Variants in CCBE1 observed in about 807,000 individuals in gnomAD.
CCBE1 encodes the protein collagen and calcium-binding EGF domain-containing protein 1.
Under a neutral mutation model 50.0 loss-of-function variants are expected in CCBE1, and 37 were observed. The ratio of observed to expected loss-of-function variants is 0.74; its 90% CI spans 0.57 to 0.97. The LOEUF (loss-of-function observed/expected upper bound fraction) is 0.97, where lower values mean the gene tolerates loss of function less well. Ranked by LOEUF, CCBE1 falls within the 50% of genes least tolerant of loss-of-function variation. The pLI, the probability that CCBE1 is intolerant of heterozygous loss-of-function variation, is 0.00. For synonymous variants in CCBE1, 234 were observed against 203.7 expected, an observed-to-expected ratio of 1.15 and a Z score of -1.27; for missense variants, 538 against 523.8, an observed-to-expected ratio of 1.03 and a Z score of -0.26.
intron 2 of CCBE1, among the ~76,000 whole-genome samples, chr18:59,545,608 A>G (rs1055773709): frequency 6.6e-6 from 1 of 152,218 alleles, no homozygotes; most frequent in Non-Finnish European, 1.5e-5. Flanking sequence ...ATAATGAAAT[A>G]CCAATGATAA....
intron 2 of CCBE1, among the ~76,000 whole-genome samples, chr18:59,686,441 C>T (rs1396356938): frequency 1.3e-5 from 2 of 152,222 alleles, no homozygotes; most frequent in African/African-American, 4.8e-5. Context: ...CTTTGAAGCC[C>T]AGCCCTGCCA....
At chr18:59,452,312 G>T (rs562183377) in intron 6 of CCBE1, among the ~76,000 whole-genome samples, 163 of 152,314 alleles carry the variant, frequency 1.1e-3, no homozygotes, top group Non-Finnish European at 1.9e-3. Flanking sequence ...CAACTGACAG[G>T]CCAGGCACAG....
At chr18:59,454,421 T>C (rs931557398) in intron 6 of CCBE1, among the ~76,000 whole-genome samples, 15 of 152,102 alleles carry the variant, frequency 9.9e-5, no homozygotes, top group Admixed American at 9.2e-4. Context: ...ATTTTTGTAT[T>C]TTTTAGTAGA....
At chr18:59,697,616 T>C (rs927880530), upstream of CCBE1, 2 of 453,592 alleles carry the variant, frequency 4.4e-6, no homozygotes, top group Non-Finnish European at 7.9e-6. Flanking sequence ...GAGGTTCAAG[T>C]TGTCTCGTCG....
At chr18:59,452,919 A>G (rs1364374538) in intron 6 of CCBE1, among the ~76,000 whole-genome samples, 3 of 152,248 alleles carry the variant, frequency 2.0e-5, no homozygotes, top group African/African-American at 7.2e-5. Context: ...ATGCTAGTCC[A>G]ACTCAATTGC....
At chr18:59,665,626 A>C (rs2054343763) in intron 2 of CCBE1, among the ~76,000 whole-genome samples, 1 of 152,198 alleles carries the variant, frequency 6.6e-6, no homozygotes, top group Non-Finnish European at 1.5e-5. Context: ...CAAGAGGAAA[A>C]TGTGCTTTTC....
chr18:59,577,694 T>C (rs961278769), intron 2 of CCBE1, among the ~76,000 whole-genome samples: 1 of 152,224 alleles, frequency 6.6e-6, no homozygotes, highest in African/African-American at 2.4e-5. Flanking sequence ...GAGGTAGTTG[T>C]AGTGTTACTG....
intron 2 of CCBE1, among the ~76,000 whole-genome samples, chr18:59,497,899 T>C (rs1913430997): frequency 6.6e-6 from 1 of 152,226 alleles, no homozygotes; most frequent in African/African-American, 2.4e-5. Context: ...CAAATCCATG[T>C]GCCAGACCAA....
At chr18:59,633,726 GGTTT>G (rs200240632) in intron 2 of CCBE1, among the ~76,000 whole-genome samples, 4 of 149,198 alleles carry the variant, frequency 2.7e-5, no homozygotes, top group Non-Finnish European at 4.4e-5. Context: ...CTAAATTTAG[GGTTT>G]GTTTTTTTTT....
chr18:59,644,223 C>T (rs760296457), intron 2 of CCBE1, among the ~76,000 whole-genome samples: 1 of 152,180 alleles, frequency 6.6e-6, no homozygotes, highest in Non-Finnish European at 1.5e-5. Flanking sequence ...AATCTAATGC[C>T]GTTGCTGATC....
intron 2 of CCBE1, among the ~76,000 whole-genome samples, chr18:59,567,331 G>A (rs919847687): frequency 3.3e-5 from 5 of 152,090 alleles, no homozygotes; most frequent in South Asian, 2.1e-4. Context: ...ATGGGGTTTC[G>A]CCATGTTGGC....
In CCBE1 at chr18:59,435,888, C is replaced by T. The variant is rs372843233; in HGVS notation, c.*20G>A. Reference sequence around the variant, plus strand: ...TGAGTTGATCTTTCTCTTCCTTTGGCGTGACGGTGTTGGGATGTGCTATGG... The same window carrying T: ...TGAGTTGATCTTTCTCTTCCTTTGGTGTGACGGTGTTGGGATGTGCTATGG... On this transcript the variant is annotated 3_prime_UTR_variant, in exon 11 of 11. Coordinates refer to ENST00000439986, the MANE Select transcript of CCBE1 (RefSeq NM_133459.4). 4.1e-4 allele frequency: 651 copies of T among 1,597,232 alleles called. 1 individual carries two copies. The highest frequency in any genetic ancestry group is 6.6e-4 in the Middle Eastern group (4 of 6,050).
In CCBE1 at chr18:59,547,776, GGGCGGCCCA is replaced by G. The variant is rs1915764310; in HGVS notation, c.213-67547_213-67539del. The stretch of plus-strand genomic sequence containing the variant: ...ACCTCCAGTGGTGTGGGCTACGTCT[GGGCGGCCCA>G]GAAGCATGCTGACAGAAGCAGAGTG... On this transcript the variant is annotated intron_variant, in intron 2 of 10. Coordinates refer to ENST00000439986, the MANE Select transcript of CCBE1 (RefSeq NM_133459.4). Among the ~76,000 whole-genome samples the G allele has an allele frequency of 3.9e-5, 6 of 152,304 alleles. No homozygotes were observed. The East Asian group carries it at 1.2e-3, about 29-fold the overall frequency.
At chr18:59,457,474 C>A (rs1019208814) in intron 5 of CCBE1, among the ~76,000 whole-genome samples, 1 of 152,176 alleles carries the variant, frequency 6.6e-6, no homozygotes, top group Non-Finnish European at 1.5e-5. Context: ...AATTACAATT[C>A]CCACCACATG....
chr18:59,586,276 C>A (rs1298120693), intron 2 of CCBE1, among the ~76,000 whole-genome samples: 2 of 152,188 alleles, frequency 1.3e-5, no homozygotes, highest in Admixed American at 6.5e-5. Flanking sequence ...CCTCTTCTTT[C>A]CATTTCAACC....
At chr18:59,631,600 C>T (rs2053849264) in intron 2 of CCBE1, among the ~76,000 whole-genome samples, 1 of 152,214 alleles carries the variant, frequency 6.6e-6, no homozygotes, top group Admixed American at 6.5e-5. Context: ...GCAAATCACA[C>T]CATGCAGGTT....
At chr18:59,497,929 C>T (rs925556155) in intron 2 of CCBE1, among the ~76,000 whole-genome samples, 1 of 152,202 alleles carries the variant, frequency 6.6e-6, no homozygotes, top group Non-Finnish European at 1.5e-5. Flanking sequence ...CTGTCCAGGG[C>T]TCTAAACAAA....
chr18:59,677,654 T>C (rs1296591160), intron 2 of CCBE1, among the ~76,000 whole-genome samples: 1 of 151,782 alleles, frequency 6.6e-6, no homozygotes, highest in African/African-American at 2.4e-5. Context: ...GGCAGGAGGA[T>C]CACTTGAACC....
At chr18:59,562,457 T>C (rs921828402) in intron 2 of CCBE1, among the ~76,000 whole-genome samples, 2 of 151,150 alleles carry the variant, frequency 1.3e-5, no homozygotes, top group Non-Finnish European at 2.9e-5. Flanking sequence ...CAACAGACCT[T>C]GTGGCTCCAG....
Sources: allele counts gnomAD v4.1 joint callset (sites outside exome capture counted in the v4.1 genomes callset), GRCh38; gene constraint gnomAD v4.1.1; transcripts MANE v1.5; gene names NCBI Gene and HGNC (gene_info 2026-07-23, HGNC 2026-07-21).